Variants in RAPGEF4 observed in about 807,000 individuals in gnomAD.
RAPGEF4 encodes RAP guanine-nucleotide-exchange factor (GEF) 4.
In RAPGEF4, 66 loss-of-function variants were observed where a neutral mutation model predicts 147.9. The observed-to-expected ratio is 0.45, with a 90% CI of 0.37 to 0.55. The LOEUF (loss-of-function observed/expected upper bound fraction) is 0.55. RAPGEF4 is among the 20% of genes least tolerant of loss of function. RAPGEF4 has a pLI of 0.00. For synonymous variants in RAPGEF4, 419 were observed against 442.7 expected (o/e 0.95, Z 0.67); for missense variants, 1,071 against 1,257.3 (o/e 0.85, Z 2.24).
At chr2:172,868,473 A>G (rs929431232) in intron 4 of RAPGEF4, among the ~76,000 whole-genome samples, 1 of 152,202 alleles carries the variant, frequency 6.6e-6, no homozygotes, top group Non-Finnish European at 1.5e-5. Flanking sequence ...AGAAAATGTA[A>G]TGGGGAAGGG....
At chr2:173,016,996 T>C (rs1474490800) in intron 19 of RAPGEF4, among the ~76,000 whole-genome samples, 178 bp from the exon 20 acceptor site, 1 of 152,242 alleles carries the variant, frequency 6.6e-6, no homozygotes, top group East Asian at 1.9e-4. Flanking sequence ...AGCTGATATC[T>C]TTGCTGTCTA....
chr2:172,797,025 G>A (rs17704332), intron 2 of RAPGEF4, among the ~76,000 whole-genome samples: 2,252 of 152,248 alleles, frequency 0.015, 19 homozygotes, highest in South Asian at 0.03. Flanking sequence ...AAAAATTTCT[G>A]ATGAGGATCA....
chr2:172,882,406 T>C (rs1241435118), intron 4 of RAPGEF4, among the ~76,000 whole-genome samples: 2 of 152,196 alleles, frequency 1.3e-5, no homozygotes, highest in South Asian at 2.1e-4. Flanking sequence ...TCAGGGCCTG[T>C]TTAACTCTGT....
At position 172,848,484 on chromosome 2, in the gene RAPGEF4, T is replaced by C. The variant is rs186187131; in HGVS notation, c.444+34059T>C. On this transcript the variant is annotated intron_variant, in intron 4 of 30. Coordinates refer to ENST00000397081, the MANE Select transcript of RAPGEF4 (RefSeq NM_007023.4). ...GCCTGTAGAGGCTCACATAATTCGT[T>C]TGTTTGTTCAAAGTGTTACTGTGTC... Among the ~76,000 whole-genome samples, 12 of 152,342 alleles carry C rather than the reference T, an allele frequency of 7.9e-5. No individual in the cohort carries two copies. The East Asian group carries it at 2.3e-3, about 29-fold the overall frequency.
In RAPGEF4 at chr2:172,917,835, C is replaced by T; in HGVS notation, c.478C>T (p.Pro160Ser). Residue 160 changes from proline (P) to serine (S), a missense_variant, in exon 5 of 31, where the codon CCT becomes TCT. Physicochemically the swap from Pro to Ser is moderately conservative, Grantham distance 74 (BLOSUM62 -1). Transcript: ENST00000397081. ...YRQYMAGLLA[P>S]PYGVMETGSN... is the part of the protein sequence containing the mutation. ...ACAGTATATGGCAGGACTTCTGGCT[C>T]CTCCTTATGGTGTTATGGAAACGGG... 6.2e-7 allele frequency: 1 copy of T among 1,613,868 alleles called. No individual in the cohort carries two copies. Among genetic ancestry groups the T allele is most frequent in the Non-Finnish European group, 8.5e-7 (1 of 1,179,800 alleles).
At chr2:172,853,391 T>TTATCTAAGCATTCAAATG (rs1693075056) in intron 4 of RAPGEF4, among the ~76,000 whole-genome samples, 1 of 152,040 alleles carries the variant, frequency 6.6e-6, no homozygotes, top group Admixed American at 6.5e-5. Context: ...TTTGTCTGTT[T>TTATCTAAGCATTCAAATG]TATCTAAGCA....
chr2:172,739,206 T>TA lies in RAPGEF4; in HGVS notation c.65+3159dup, dbSNP rs1190502693. Reference sequence around the variant, plus strand: ...AAAAAAGTCTCAGCAGATGTATTGTTAGAGTAAAACAAGCTCACCACTATC... The same window carrying TA: ...AAAAAAGTCTCAGCAGATGTATTGTTAAGAGTAAAACAAGCTCACCACTATC... On this transcript the variant is annotated intron_variant, in intron 1 of 30. Transcript: ENST00000397081. Among the ~76,000 whole-genome samples the TA allele has an allele frequency of 3.9e-5, 6 of 152,120 alleles. No homozygotes were observed. The South Asian group carries it at 1.0e-3, about 26-fold the overall frequency.
intron 17 of RAPGEF4, among the ~76,000 whole-genome samples, chr2:173,006,035 C>T (rs1024048434): frequency 1.3e-5 from 2 of 152,200 alleles, no homozygotes; most frequent in Non-Finnish European, 2.9e-5. Context: ...TCTGCAACGC[C>T]AGACTCTAGC....
chr2:172,772,793 C>T (rs990181669), intron 1 of RAPGEF4, among the ~76,000 whole-genome samples: 1 of 152,244 alleles, frequency 6.6e-6, no homozygotes, highest in Non-Finnish European at 1.5e-5. Context: ...GCTAAGGCTG[C>T]TCACAGTCTG....
intron 6 of RAPGEF4, among the ~76,000 whole-genome samples, chr2:172,940,704 G>T (rs1327117415): frequency 2.0e-5 from 3 of 152,124 alleles, no homozygotes; most frequent in African/African-American, 7.2e-5. Flanking sequence ...ACACTATTCT[G>T]TCTAGGTCCT....
chr2:172,921,803 T>G (rs963136288), intron 5 of RAPGEF4, among the ~76,000 whole-genome samples: 18 of 152,252 alleles, frequency 1.2e-4, no homozygotes, highest in African/African-American at 4.3e-4. Context: ...GAATTTGCTT[T>G]GCTCACAATG....
In RAPGEF4 at chr2:173,027,119, T is replaced by C; in HGVS notation, c.2418T>C (p.Phe806=). 1 of 1,610,046 alleles carries C rather than the reference T, an allele frequency of 6.2e-7. No individual in the cohort carries two copies. The highest frequency in any genetic ancestry group is 2.2e-5 in the East Asian group (1 of 44,836). The change falls in exon 25 of 31, where the codon TTT becomes TTC. Residue 806 remains phenylalanine, a synonymous_variant. Transcript: ENST00000397081. ...LIYHTFGRHN[F]KKTTANLDLF... is the part of the protein sequence containing the mutation. ...ATCACACATTTGGAAGGCATAATTT[T>C]AAAAAGACCACAGCAAACTTGGATT...
chr2:172,869,539 T>G (rs1291495865), intron 4 of RAPGEF4, among the ~76,000 whole-genome samples: 2 of 152,160 alleles, frequency 1.3e-5, no homozygotes, highest in African/African-American at 2.4e-5. Flanking sequence ...TATTTAGATG[T>G]TTCACCCATG....
Position 173,036,684 on chromosome 2 carries a change from GA to G in RAPGEF4, c.2851del (p.Met951CysfsTer3). The G allele has an allele frequency of 1.9e-6, 3 of 1,604,546 alleles. No homozygotes were observed. Among genetic ancestry groups the G allele is most frequent in the Admixed American group, 1.7e-5 (1 of 58,886 alleles). ...GTTCATTGACAATCTAGTAAACTTT[GA>G]AAAAATGGTATGTGCAGTATTATAA... The part of the protein sequence containing the change: ...KTFIDNLVNF[E>X]KMRMIANTAR... On this transcript the variant is annotated frameshift_variant, in exon 29 of 31. Transcript: ENST00000397081. LOFTEE classifies it high-confidence loss of function.
chr2:172,892,658 A>G (rs960275384), intron 4 of RAPGEF4, among the ~76,000 whole-genome samples: 33 of 152,236 alleles, frequency 2.2e-4, no homozygotes, highest in African/African-American at 7.5e-4. Context: ...AATGCATTCA[A>G]CAAGGGTCCC....
At chr2:172,788,156 A>G (rs921222021) in intron 1 of RAPGEF4, among the ~76,000 whole-genome samples, 2 of 152,160 alleles carry the variant, frequency 1.3e-5, no homozygotes, top group African/African-American at 4.8e-5. Flanking sequence ...CTTACGGTCT[A>G]ATCACCTCCC....
chr2:172,842,949 T>G (rs1466993556), intron 4 of RAPGEF4, among the ~76,000 whole-genome samples: 1 of 152,204 alleles, frequency 6.6e-6, no homozygotes, highest in Non-Finnish European at 1.5e-5. Context: ...TACAGGTGTC[T>G]GGATAATCAT....
chr2:172,794,392 C>T (rs1170494147), intron 1 of RAPGEF4, among the ~76,000 whole-genome samples: 1 of 150,996 alleles, frequency 6.6e-6, no homozygotes, highest in Non-Finnish European at 1.5e-5. Flanking sequence ...AGACAAATGT[C>T]CACACACCTA....
intron 2 of RAPGEF4, among the ~76,000 whole-genome samples, chr2:172,796,850 G>C (rs2149550853): frequency 6.6e-6 from 1 of 152,278 alleles, no homozygotes; most frequent in East Asian, 1.9e-4. Context: ...TAGTTATTTA[G>C]TTAGGATATT....
Sources: gnomAD v4.1 joint callset for allele counts (sites outside exome capture counted in the v4.1 genomes callset) on GRCh38, gnomAD v4.1.1 for gene constraint, MANE v1.5 for transcripts, NCBI Gene and HGNC (gene_info 2026-07-23, HGNC 2026-07-21) for gene names.